Variants in IGFL2 observed in about 807,000 individuals in gnomAD.
IGFL2 encodes the protein insulin growth factor-like family member 2.
IGFL2 carries 7 observed loss-of-function variants against 13.9 expected under a neutral mutation model. The ratio of observed to expected loss-of-function variants is 0.51; its 90% confidence interval spans 0.29 to 0.95. IGFL2 has a LOEUF of 0.95. Ranked by LOEUF, IGFL2 falls within the 40% of genes least tolerant of loss-of-function variation. The pLI is 0.08. For synonymous variants in IGFL2, 55 were observed against 55.8 expected (o/e 0.99, Z 0.07); for missense variants, 138 against 147.8 (o/e 0.93, Z 0.34).
At chr19:46,168,632 GACAA>G in the IGFL2 span, among the ~76,000 whole-genome samples, 51 of 152,234 alleles carry the variant, frequency 3.4e-4, no homozygotes, top group Admixed American at 1.2e-3. Context: ...CATGAAAACT[GACAA>G]ACAACTTTGT....
upstream of IGFL2, among the ~76,000 whole-genome samples, chr19:46,145,598 A>ATGTGTGTG (rs765380139): frequency 0.012 from 1,653 of 138,366 alleles, 33 homozygotes; most frequent in African/African-American, 0.046. Context: ...ACACTCATAT[A>ATGTGTGTG]TATGTGTGTG....
At chr19:46,099,387 GTTC>G in the IGFL2 span, among the ~76,000 whole-genome samples, 3 of 152,082 alleles carry the variant, frequency 2.0e-5, no homozygotes, top group Admixed American at 6.5e-5. Flanking sequence ...GGTTGGGGAA[GTTC>G]TTCTGGATGA....
chr19:46,146,895 A>T (rs928936097), upstream of IGFL2, among the ~76,000 whole-genome samples: 1 of 152,164 alleles, frequency 6.6e-6, no homozygotes, highest in Non-Finnish European at 1.5e-5. Flanking sequence ...CCTCCCACCT[A>T]TCTCACTGTG....
At chr19:46,147,060 A>G (rs1325153114), upstream of IGFL2, among the ~76,000 whole-genome samples, 5 of 152,200 alleles carry the variant, frequency 3.3e-5, no homozygotes, top group African/African-American at 9.7e-5. Flanking sequence ...AGAAACAACA[A>G]CAAAAAGGGG....
chr19:46,117,796 TA>T, the IGFL2 span, among the ~76,000 whole-genome samples: 43 of 152,320 alleles, frequency 2.8e-4, 1 homozygote, highest in Non-Finnish European at 2.9e-5. Flanking sequence ...TGTTCATTTT[TA>T]AAATGAATCT....
upstream of IGFL2, among the ~76,000 whole-genome samples, chr19:46,143,505 A>G (rs1335162165): frequency 1.3e-5 from 2 of 151,664 alleles, no homozygotes; most frequent in Admixed American, 1.3e-4. Flanking sequence ...GGCTCAAGCA[A>G]TCCTCCTGCT....
At chr19:46,173,736 C>CTTTA in the IGFL2 span, 1 of 152,244 alleles carries the variant, frequency 6.6e-6, no homozygotes, top group African/African-American at 2.4e-5. Context: ...GGGGATCACA[C>CTTTA]TTTAACATGA....
chr19:46,182,507 G>A, the IGFL2 span, among the ~76,000 whole-genome samples: 1 of 151,568 alleles, frequency 6.6e-6, no homozygotes, highest in Admixed American at 6.6e-5. Flanking sequence ...AAGAAAACTT[G>A]AGCCAAGTAC....
chr19:46,124,727 G>A, the IGFL2 span: 1 of 1,264,490 alleles, frequency 7.9e-7, no homozygotes, highest in East Asian at 2.4e-5. Flanking sequence ...AAATGGGGTT[G>A]TCTGTTAACC....
At chr19:46,136,482 A>G in the IGFL2 span, among the ~76,000 whole-genome samples, 49 of 152,268 alleles carry the variant, frequency 3.2e-4, 5 homozygotes, top group East Asian at 9.5e-3. Flanking sequence ...GGAAAAAATC[A>G]CATGATATTG....
At chr19:46,170,103 A>C in the IGFL2 span, among the ~76,000 whole-genome samples, 124 of 152,144 alleles carry the variant, frequency 8.2e-4, 1 homozygote, top group Middle Eastern at 0.017. Flanking sequence ...GGGAGATATG[A>C]AAAATAAAAT....
At chr19:46,178,614 T>G in the IGFL2 span, among the ~76,000 whole-genome samples, 1 of 152,182 alleles carries the variant, frequency 6.6e-6, no homozygotes, top group Admixed American at 6.5e-5. Flanking sequence ...ACCTTGAGAT[T>G]TCATCTACAT....
the IGFL2 span, among the ~76,000 whole-genome samples, chr19:46,107,985 T>G: frequency 4.8e-4 from 73 of 152,288 alleles, no homozygotes; most frequent in Non-Finnish European, 9.1e-4. Flanking sequence ...GCCACCTCTT[T>G]GAGAGGAAAT....
At chr19:46,169,248 G>A in the IGFL2 span, among the ~76,000 whole-genome samples, 7 of 152,200 alleles carry the variant, frequency 4.6e-5, no homozygotes, top group African/African-American at 1.7e-4. Context: ...AAATCTTTAA[G>A]ACCTTAAAAA....
chr19:46,117,700 C>T, the IGFL2 span, among the ~76,000 whole-genome samples: 5,502 of 152,210 alleles, frequency 0.036, 149 homozygotes, highest in East Asian at 0.071. Flanking sequence ...AGGATGGCCT[C>T]GATCTCTTGA....
the IGFL2 span, among the ~76,000 whole-genome samples, chr19:46,098,917 C>T: frequency 2.6e-5 from 4 of 152,248 alleles, no homozygotes; most frequent in South Asian, 4.1e-4. Flanking sequence ...TTCATAGTGT[C>T]GTTGGTCTTT....
At chr19:46,108,249 G>T in the IGFL2 span, among the ~76,000 whole-genome samples, 1 of 152,074 alleles carries the variant, frequency 6.6e-6, no homozygotes, top group Non-Finnish European at 1.5e-5. Context: ...AGAAGGATTT[G>T]GGATGGGTCG....
At chr19:46,127,512 T>C in the IGFL2 span, among the ~76,000 whole-genome samples, 1 of 152,224 alleles carries the variant, frequency 6.6e-6, no homozygotes, top group Non-Finnish European at 1.5e-5. Flanking sequence ...GCACTAAGTT[T>C]CAACATAATT....
At chr19:46,127,607 G>A in the IGFL2 span, among the ~76,000 whole-genome samples, 1 of 152,112 alleles carries the variant, frequency 6.6e-6, no homozygotes, top group African/African-American at 2.4e-5. Context: ...TAGGTAGATA[G>A]GTAAGATGTA....
Sources: allele counts gnomAD v4.1 joint callset (sites outside exome capture counted in the v4.1 genomes callset), GRCh38; gene constraint gnomAD v4.1.1; transcripts MANE v1.5; gene names NCBI Gene and HGNC (gene_info 2026-07-23, HGNC 2026-07-21).